IL26: variants seen among roughly 807,000 people sequenced by gnomAD.
The protein encoded by IL26 is interleukin-26.
Under a neutral mutation model 21.7 loss-of-function variants are expected in IL26, and 23 were observed. The ratio of observed to expected loss-of-function variants is 1.06; its 90% CI spans 0.76 to 1.50. The LOEUF (loss-of-function observed/expected upper bound fraction) is 1.50. Ranked by LOEUF, IL26 falls within the 40% of genes most tolerant of loss-of-function variation. The probability of loss-of-function intolerance (pLI) is 0.00; values close to 1 mark genes in which losing one functional copy is unlikely to be tolerated. For synonymous variants in IL26, 63 were observed against 67.8 expected (o/e 0.93, Z 0.34); for missense variants, 204 against 196.0 (o/e 1.04, Z -0.24).
In IL26 at chr12:68,224,779, AAGAG is replaced by A. The variant is rs750235542; in HGVS notation, c.363+366_363+369del. The stretch of plus-strand genomic sequence containing the variant: ...AGGGAGAGAGGGAGGAAGGGAGAGA[AAGAG>A]AGACTTAGAATAGTGTTTGGCACAA... On this transcript the variant is annotated intron_variant, in intron 3 of 4. Transcript: ENST00000229134. Among the ~76,000 whole-genome samples, 888 of 134,960 alleles carry A rather than the reference AAGAG, an allele frequency of 6.6e-3. 9 individuals are homozygous for A. The highest frequency in any genetic ancestry group is 0.011 in the Non-Finnish European group (613 of 56,090). 88.5% of individuals were successfully genotyped at this position (134,960 alleles called of 152,430 possible). A position where few individuals can be genotyped will look rare whatever the true frequency, so the allele number is the denominator to read the frequency against.
At chr12:68,223,745 T>C (rs1869130701) in intron 3 of IL26, among the ~76,000 whole-genome samples, 1 of 152,176 alleles carries the variant, frequency 6.6e-6, no homozygotes, top group Non-Finnish European at 1.5e-5. Flanking sequence ...TGCAAAGAGG[T>C]ATCAATTTGT....
chr12:68,210,763 A>T (rs1868705206), intron 3 of IL26, among the ~76,000 whole-genome samples: 1 of 152,180 alleles, frequency 6.6e-6, no homozygotes, highest in African/African-American at 2.4e-5. Flanking sequence ...TGTTCCAACC[A>T]TAGAAAAAAA....
Position 68,205,193 on chromosome 12 carries a change from C to T in IL26, c.364-3110G>A, listed in dbSNP as rs569494690. ...TATCACATACTTACTATATGCTAAG[C>T]ATACAGCAATGCCTCTGCCATATAG... On this transcript the variant is annotated intron_variant, in intron 3 of 4. Transcript: ENST00000229134. Among the ~76,000 whole-genome samples the T allele has an allele frequency of 1.2e-3, 181 of 152,220 alleles. 1 individual carries two copies. The highest frequency in any genetic ancestry group is 2.0e-3 in the Non-Finnish European group (136 of 67,996).
At chr12:68,224,611 G>A (rs1161536073) in intron 3 of IL26, among the ~76,000 whole-genome samples, 1 of 144,966 alleles carries the variant, frequency 6.9e-6, no homozygotes, top group Non-Finnish European at 1.5e-5. Context: ...AAGAGAGAGA[G>A]AAAGAAAGAA....
At chr12:68,223,810 A>G (rs977613420) in intron 3 of IL26, among the ~76,000 whole-genome samples, 1 of 151,932 alleles carries the variant, frequency 6.6e-6, no homozygotes, top group South Asian at 2.1e-4. Flanking sequence ...TTATAAAAAA[A>G]CATGCAATCC....
At chr12:68,204,527 T>C (rs924570016) in intron 3 of IL26, among the ~76,000 whole-genome samples, 1 of 152,164 alleles carries the variant, frequency 6.6e-6, no homozygotes, top group South Asian at 2.1e-4. Flanking sequence ...AAAACAGGCA[T>C]TCCTGTCAAC....
At chr12:68,207,821 T>G (rs1437913765) in intron 3 of IL26, among the ~76,000 whole-genome samples, 2 of 152,174 alleles carry the variant, frequency 1.3e-5, no homozygotes, top group Non-Finnish European at 2.9e-5. Flanking sequence ...TTTTAACTTT[T>G]TATAATAGAT....
intron 3 of IL26, among the ~76,000 whole-genome samples, chr12:68,204,385 T>G (rs1447128986): frequency 6.6e-6 from 1 of 152,048 alleles, no homozygotes; most frequent in Non-Finnish European, 1.5e-5. Flanking sequence ...CCTCATGATC[T>G]GCCCGCCTCG....
intron 3 of IL26, among the ~76,000 whole-genome samples, chr12:68,224,582 G>A (rs566703971): frequency 2.1e-3 from 314 of 146,774 alleles, no homozygotes; most frequent in Non-Finnish European, 3.6e-3. Context: ...TATTGTTATG[G>A]GAAAGAAGGA....
intron 3 of IL26, among the ~76,000 whole-genome samples, chr12:68,206,561 C>T (rs1868549202): frequency 6.6e-6 from 1 of 152,142 alleles, no homozygotes; most frequent in Admixed American, 6.5e-5. Context: ...TCATGTTGTA[C>T]AATGGAAAGA....
chr12:68,202,583 C>T (rs1348074402), intron 3 of IL26, among the ~76,000 whole-genome samples: 1 of 152,100 alleles, frequency 6.6e-6, no homozygotes, highest in Non-Finnish European at 1.5e-5. Context: ...GGAGAGTGAG[C>T]AGAGGGGGAA....
chr12:68,212,433 G>T (rs947164041), intron 3 of IL26, among the ~76,000 whole-genome samples: 29 of 152,080 alleles, frequency 1.9e-4, no homozygotes, highest in Middle Eastern at 3.4e-3. Flanking sequence ...AAGAATGCTA[G>T]AAGTATCTTG....
At chr12:68,209,266 G>A (rs375013764) in intron 3 of IL26, among the ~76,000 whole-genome samples, 5 of 152,196 alleles carry the variant, frequency 3.3e-5, no homozygotes, top group Admixed American at 2.0e-4. Flanking sequence ...GGGCCAACAC[G>A]AGTACGGAGG....
At chr12:68,217,517 G>T (rs944871236) in intron 3 of IL26, among the ~76,000 whole-genome samples, 1 of 152,068 alleles carries the variant, frequency 6.6e-6, no homozygotes, top group Non-Finnish European at 1.5e-5. Context: ...TTTCTTATAT[G>T]ATAAGTTCCT....
At chr12:68,210,373 A>C (rs868804044) in intron 3 of IL26, among the ~76,000 whole-genome samples, 1,810 of 115,138 alleles carry the variant, frequency 0.016, 104 homozygotes, top group African/African-American at 0.055. Context: ...AAAAAAAAAA[A>C]AAAAAAAAAA....
chr12:68,207,640 T>C (rs533194215), intron 3 of IL26, among the ~76,000 whole-genome samples: 1 of 152,124 alleles, frequency 6.6e-6, no homozygotes, highest in Non-Finnish European at 1.5e-5. Context: ...TAATGTGCAA[T>C]TTACATGCAA....
intron 3 of IL26, among the ~76,000 whole-genome samples, chr12:68,218,394 G>T (rs570284639): frequency 6.6e-6 from 1 of 152,170 alleles, no homozygotes; most frequent in Admixed American, 6.5e-5. Context: ...ATATTAAAAA[G>T]ACTCAATTCA....
In IL26 at chr12:68,220,925, C is replaced by T. The variant is rs775837951; in HGVS notation, c.363+4224G>A. 2.6e-5 allele frequency among the ~76,000 whole-genome samples: 4 copies of T among 152,334 alleles called. No individual in the cohort carries two copies. In the South Asian group the frequency reaches 6.2e-4, roughly 24 times the overall value. The stretch of plus-strand genomic sequence containing the variant: ...GTGCTGGGATTGTAGGCGTAAGCTA[C>T]CGTACCTGGCCAAATTCTTATATAT... On this transcript the variant is annotated intron_variant, in intron 3 of 4. Coordinates refer to ENST00000229134, the MANE Select transcript of IL26 (RefSeq NM_018402.2).
At chr12:68,223,900 T>TTTGC (rs1869139981) in intron 3 of IL26, among the ~76,000 whole-genome samples, 1 of 150,922 alleles carries the variant, frequency 6.6e-6, no homozygotes. Context: ...TTTTTTTTTT[T>TTTGC]TTGCTTGTTT....
Sources: gnomAD v4.1 joint callset for allele counts (sites outside exome capture counted in the v4.1 genomes callset) on GRCh38, gnomAD v4.1.1 for gene constraint, MANE v1.5 for transcripts, NCBI Gene and HGNC (gene_info 2026-07-23, HGNC 2026-07-21) for gene names.